EYA4: variants seen among roughly 807,000 people sequenced by gnomAD.
EYA4 encodes the protein EYA transcriptional coactivator and phosphatase 4.
In EYA4, 31 loss-of-function variants were observed where a neutral mutation model predicts 87.9. The ratio of observed to expected loss-of-function variants is 0.35; its 90% CI spans 0.27 to 0.48. EYA4 has a LOEUF of 0.48. EYA4 is among the 20% of genes least tolerant of loss of function. EYA4 has a pLI of 0.99. For synonymous variants in EYA4, 263 were observed against 270.6 expected, an observed-to-expected ratio of 0.97 and a Z score of 0.28; for missense variants, 678 against 761.4, an observed-to-expected ratio of 0.89 and a Z score of 1.29.
At chr6:133,468,203 G>A (rs781053946) in intron 10 of EYA4, among the ~76,000 whole-genome samples, 11 of 152,070 alleles carry the variant, frequency 7.2e-5, no homozygotes, top group South Asian at 2.1e-4. Flanking sequence ...GTGTAAGAAC[G>A]GATTTTGTGA....
intron 17 of EYA4, among the ~76,000 whole-genome samples, 185 bp downstream of exon 17, chr6:133,515,620 T>TGA: frequency 2.0e-5 from 2 of 101,810 alleles, no homozygotes; most frequent in Non-Finnish European, 3.6e-5. Context: ...AGTGTGTGTG[T>TGA]GAGTGTGTGT....
chr6:133,422,728 A>C (rs2128563718), intron 3 of EYA4, among the ~76,000 whole-genome samples: 1 of 152,350 alleles, frequency 6.6e-6, no homozygotes, highest in Non-Finnish European at 1.5e-5. Flanking sequence ...AATATTTCAA[A>C]GATTTCAATA....
At chr6:133,448,548 T>C (rs574358870) in intron 5 of EYA4, among the ~76,000 whole-genome samples, 10 of 152,178 alleles carry the variant, frequency 6.6e-5, no homozygotes, top group Non-Finnish European at 1.2e-4. Context: ...CTTAATCACC[T>C]TCATAACCCA....
At chr6:133,316,428 A>T (rs1436609906) in intron 2 of EYA4, among the ~76,000 whole-genome samples, 4 of 152,214 alleles carry the variant, frequency 2.6e-5, no homozygotes, top group Non-Finnish European at 4.4e-5. Flanking sequence ...GCTAAAATAA[A>T]TAAATCCTAG....
intron 5 of EYA4, among the ~76,000 whole-genome samples, chr6:133,455,673 C>T (rs1793837498): frequency 6.6e-6 from 1 of 152,070 alleles, no homozygotes; most frequent in Admixed American, 6.6e-5. Context: ...TCATTCATTT[C>T]ACTTATGACC....
chr6:133,339,361 G>A (rs1782617060), intron 2 of EYA4, among the ~76,000 whole-genome samples: 1 of 152,242 alleles, frequency 6.6e-6, no homozygotes, highest in East Asian at 1.9e-4. Context: ...CCAGTGTGAG[G>A]TTCACTGTTT....
intron 1 of EYA4, 34 bp downstream of exon 1, chr6:133,241,783 G>T (rs1773958432): frequency 6.6e-6 from 1 of 152,274 alleles, no homozygotes; most frequent in South Asian, 2.1e-4. Context: ...CCCGCCCCAG[G>T]GCTCCCGGGG....
At chr6:133,326,711 G>A (rs796117926) in intron 2 of EYA4, among the ~76,000 whole-genome samples, 3 of 152,190 alleles carry the variant, frequency 2.0e-5, no homozygotes, top group African/African-American at 4.8e-5. Context: ...CACAGGGACC[G>A]ATTGTTCCCC....
At chr6:133,314,079 G>T (rs1316033676) in intron 2 of EYA4, among the ~76,000 whole-genome samples, 1 of 152,130 alleles carries the variant, frequency 6.6e-6, no homozygotes, top group Non-Finnish European at 1.5e-5. Flanking sequence ...GTTAGTATCT[G>T]AGTAAAGCTA....
At chr6:133,299,886 C>T (rs1779242702) in intron 2 of EYA4, among the ~76,000 whole-genome samples, 1 of 150,516 alleles carries the variant, frequency 6.6e-6, no homozygotes, top group Non-Finnish European at 1.5e-5. Flanking sequence ...TATATATACA[C>T]ACACACTTAT....
intron 7 of EYA4, among the ~76,000 whole-genome samples, chr6:133,461,929 G>A (rs1280771756): frequency 1.3e-5 from 2 of 150,698 alleles, no homozygotes; most frequent in Non-Finnish European, 2.9e-5. Context: ...TCTTTGCATA[G>A]CATTAAGTCA....
intron 2 of EYA4, among the ~76,000 whole-genome samples, chr6:133,381,934 A>T (rs1583121784): frequency 6.6e-6 from 1 of 152,236 alleles, no homozygotes; most frequent in African/African-American, 2.4e-5. Context: ...TATAAAACAT[A>T]CAGCCACTAG....
chr6:133,379,762 C>G (rs1012349936), intron 2 of EYA4, among the ~76,000 whole-genome samples: 6 of 152,078 alleles, frequency 3.9e-5, no homozygotes, highest in African/African-American at 1.4e-4. Flanking sequence ...AATGATGTAC[C>G]AGATCAATGC....
chr6:133,259,833 A>G lies in EYA4; in HGVS notation c.-65-14883A>G, dbSNP rs117276891. 2.0e-4 allele frequency among the ~76,000 whole-genome samples: 31 copies of G among 152,334 alleles called. No individual in the cohort carries two copies. In the East Asian group the frequency reaches 6.0e-3, roughly 29 times the overall value. ...TCACACCTTGATTCCTGAGAAATTA[A>G]TGTTATAGAAAAGTTGTTTGGAAAG... On this transcript the variant is annotated intron_variant, in intron 1 of 19. Coordinates refer to ENST00000355286, the MANE Select transcript of EYA4 (RefSeq NM_004100.5).
intron 1 of EYA4, among the ~76,000 whole-genome samples, chr6:133,255,982 C>G (rs1253078427): frequency 6.6e-6 from 1 of 151,772 alleles, no homozygotes; most frequent in African/African-American, 2.4e-5. Context: ...TACCAAAATG[C>G]TTTTTAAAAA....
chr6:133,340,729 T>A (rs1030496409), intron 2 of EYA4, among the ~76,000 whole-genome samples: 1 of 152,112 alleles, frequency 6.6e-6, no homozygotes, highest in Non-Finnish European at 1.5e-5. Context: ...GTTTTTGATA[T>A]CAAGCCCTGT....
intron 14 of EYA4, chr6:133,510,833 G>T (rs1366457633): frequency 6.4e-6 from 1 of 155,120 alleles, no homozygotes; most frequent in Non-Finnish European, 1.4e-5. Context: ...TTAAATGATT[G>T]TGGTAATCCT....
intron 1 of EYA4, among the ~76,000 whole-genome samples, chr6:133,246,694 G>A (rs1774436787): frequency 6.6e-6 from 1 of 151,950 alleles, no homozygotes; most frequent in South Asian, 2.1e-4. Context: ...TTACAATTTG[G>A]CTGTCATTAT....
chr6:133,280,062 T>G lies in EYA4; in HGVS notation c.33+5249T>G, dbSNP rs141713843. Among the ~76,000 whole-genome samples, 706 of 152,346 alleles carry G rather than the reference T, an allele frequency of 4.6e-3. 6 individuals are homozygous for G. The highest frequency in any genetic ancestry group is 7.4e-3 in the Non-Finnish European group (503 of 68,018). ...ATACTTGTACTGAATATCTTAAATA[T>G]ATTTTACTTAGATCTAAACAATGTT... On this transcript the variant is annotated intron_variant, in intron 2 of 19. Transcript: ENST00000355286.
Sources: allele counts gnomAD v4.1 joint callset (sites outside exome capture counted in the v4.1 genomes callset), GRCh38; gene constraint gnomAD v4.1.1; transcripts MANE v1.5; gene names NCBI Gene and HGNC (gene_info 2026-07-23, HGNC 2026-07-21).